Variants in ARHGAP28 observed in about 807,000 individuals in gnomAD.
ARHGAP28 encodes the protein rho GTPase-activating protein 28.
ARHGAP28 carries 56 observed loss-of-function variants against 90.7 expected under a neutral mutation model. That is an observed-to-expected ratio of 0.62 (90% CI 0.50 to 0.77). The LOEUF (loss-of-function observed/expected upper bound fraction) is 0.77. Ranked by LOEUF, ARHGAP28 falls within the 30% of genes least tolerant of loss-of-function variation. The pLI, the probability that ARHGAP28 is intolerant of heterozygous loss-of-function variation, is 0.00. For synonymous variants in ARHGAP28, 308 were observed against 323.3 expected, an observed-to-expected ratio of 0.95 and a Z score of 0.51; for missense variants, 869 against 900.9, an observed-to-expected ratio of 0.96 and a Z score of 0.45.
intron 6 of ARHGAP28, 72 bp downstream of exon 6, chr18:6,868,306 C>T: frequency 2.2e-6 from 3 of 1,354,328 alleles, no homozygotes; most frequent in East Asian, 4.6e-5. Context: ...ATACAGTTAG[C>T]AGTGAATTTC....
chr18:6,880,853 C>T (rs1256578582), intron 10 of ARHGAP28, among the ~76,000 whole-genome samples: 1 of 152,190 alleles, frequency 6.6e-6, no homozygotes, highest in Non-Finnish European at 1.5e-5. Context: ...CACTAGATTA[C>T]AGGACACCGA....
chr18:6,893,698 GGT>G (rs1030404906), intron 14 of ARHGAP28, among the ~76,000 whole-genome samples: 1 of 151,284 alleles, frequency 6.6e-6, no homozygotes, highest in East Asian at 1.9e-4. Context: ...ATGGACTCAC[GGT>G]GTGTGTGTGT....
intron 5 of ARHGAP28, among the ~76,000 whole-genome samples, chr18:6,862,148 T>C (rs2057003484): frequency 6.6e-6 from 1 of 152,102 alleles, no homozygotes; most frequent in Non-Finnish European, 1.5e-5. Flanking sequence ...TGATGCCAAG[T>C]TATTGCTTTG....
chr18:6,806,497 A>T, intron 1 of ARHGAP28, among the ~76,000 whole-genome samples: 1 of 152,094 alleles, frequency 6.6e-6, no homozygotes, highest in East Asian at 1.9e-4. Flanking sequence ...GAGAATAGTG[A>T]TATAGTCAAA....
intron 2 of ARHGAP28, among the ~76,000 whole-genome samples, chr18:6,828,251 CCAGGCAGGAGAAT>C (rs2056689360): frequency 6.6e-6 from 1 of 152,102 alleles, no homozygotes. Context: ...CTCGGCAGGC[CCAGGCAGGAGAAT>C]CAGGCAGGGA....
At position 6,729,798 on chromosome 18, in the gene ARHGAP28, G is replaced by A; in HGVS notation, c.-24G>A. ...GGTCCCGGTCTTTGTTCTGGGGCCG[G>A]CGCCGAGACATGCGCGGCTGACGAT... On this transcript the variant is annotated 5_prime_UTR_variant, in exon 1 of 18. Transcript: ENST00000383472. The A allele has an allele frequency of 7.2e-7, 1 of 1,388,922 alleles. No individual in the cohort carries two copies. The highest frequency in any genetic ancestry group is 9.3e-7 in the Non-Finnish European group (1 of 1,074,504). 86.0% of individuals were successfully genotyped at this position (1,388,922 alleles called of 1,614,324 possible). A position where few individuals can be genotyped will look rare whatever the true frequency, so the allele number is the denominator to read the frequency against.
intron 1 of ARHGAP28, among the ~76,000 whole-genome samples, chr18:6,809,151 G>A (rs2056539108): frequency 6.6e-6 from 1 of 152,092 alleles, no homozygotes; most frequent in African/African-American, 2.4e-5. Context: ...AATTTAATTT[G>A]TTTTCTTTCT....
At chr18:6,898,724 A>C in intron 16 of ARHGAP28, 1 of 1,340,088 alleles carries the variant, frequency 7.5e-7, no homozygotes, top group Non-Finnish European at 9.6e-7. Flanking sequence ...AGAACTAATG[A>C]CTGCAGAGAG....
intron 3 of ARHGAP28, among the ~76,000 whole-genome samples, chr18:6,837,878 A>G (rs1468244166): frequency 3.9e-5 from 6 of 152,220 alleles, no homozygotes; most frequent in Non-Finnish European, 8.8e-5. Flanking sequence ...GGAAGATACC[A>G]GCATTAATTA....
chr18:6,763,028 C>A (rs948367287), intron 1 of ARHGAP28, among the ~76,000 whole-genome samples: 5 of 152,118 alleles, frequency 3.3e-5, no homozygotes, highest in Admixed American at 3.3e-4. Flanking sequence ...TGACCATTCA[C>A]CAGGCCTTGT....
intron 1 of ARHGAP28, among the ~76,000 whole-genome samples, chr18:6,737,030 G>A (rs2055934995): frequency 6.6e-6 from 1 of 151,986 alleles, no homozygotes. Context: ...TGTTTCTGAG[G>A]TAATTGCCAT....
rs1484582631 is a variant in ARHGAP28 at position 6,914,882 on chromosome 18, A to ATGATGG, written c.*2732_*2733insGGTGAT. The stretch of plus-strand genomic sequence containing the variant: ...TTTGTTAAGCAGCTCACTTGGAAAT[A>ATGATGG]TGATTCTTGGAGTCAATGATCTCTA... On this transcript the variant is annotated 3_prime_UTR_variant, in exon 18 of 18. Transcript: ENST00000383472. The ATGATGG allele has an allele frequency of 1.3e-5, 2 of 152,606 alleles. No individual in the cohort carries two copies. The highest frequency in any genetic ancestry group is 4.8e-5 in the African/African-American group (2 of 41,454). 9.5% of individuals were successfully genotyped at this position (152,606 alleles called of 1,614,324 possible).
chr18:6,879,632 C>A (rs1369053225), intron 10 of ARHGAP28, among the ~76,000 whole-genome samples: 1 of 152,182 alleles, frequency 6.6e-6, no homozygotes, highest in Admixed American at 6.5e-5. Flanking sequence ...GACAGTATGA[C>A]GCGGTATTAT....
At chr18:6,752,897 T>C (rs1387268340) in intron 1 of ARHGAP28, among the ~76,000 whole-genome samples, 1 of 152,196 alleles carries the variant, frequency 6.6e-6, no homozygotes, top group Non-Finnish European at 1.5e-5. Context: ...TTTTGCTTTA[T>C]ATGTTCATAA....
intron 1 of ARHGAP28, among the ~76,000 whole-genome samples, chr18:6,810,361 G>A (rs1031719505): frequency 1.3e-5 from 2 of 152,122 alleles, no homozygotes; most frequent in African/African-American, 4.8e-5. Flanking sequence ...ATGAACAAAG[G>A]CACCCAGTCA....
chr18:6,787,961 C>T (rs1435441390), intron 1 of ARHGAP28, among the ~76,000 whole-genome samples: 1 of 152,222 alleles, frequency 6.6e-6, no homozygotes, highest in African/African-American at 2.4e-5. Context: ...TATTCTGGCT[C>T]ATTCTGCCTT....
At position 6,882,313 on chromosome 18, in the gene ARHGAP28, G is replaced by A. The variant is rs11874197; in HGVS notation, c.1453+14G>A. 3.3e-3 allele frequency: 5,350 copies of A among 1,605,350 alleles called. 118 individuals carry two copies. The African/African-American group carries it at 0.054, about 16-fold the overall frequency. ...GTCTAATGGAAAGTAGGTGGAAGAC[G>A]TTATATGTGAATACGCTAAGATATA... is the stretch of plus-strand genomic sequence containing the variant. On this transcript the variant is annotated intron_variant, in intron 11 of 17. Coordinates refer to ENST00000383472, the MANE Select transcript of ARHGAP28 (RefSeq NM_001366230.1).
At chr18:6,882,600 A>G (rs554647643) in intron 11 of ARHGAP28, among the ~76,000 whole-genome samples, 1 of 152,330 alleles carries the variant, frequency 6.6e-6, no homozygotes, top group African/African-American at 2.4e-5. Flanking sequence ...AGCCTCAGTT[A>G]CTACATCTGT....
At chr18:6,749,093 G>C (rs1600148925) in intron 1 of ARHGAP28, among the ~76,000 whole-genome samples, 1 of 152,290 alleles carries the variant, frequency 6.6e-6, no homozygotes, top group African/African-American at 2.4e-5. Context: ...AGACAAAAAT[G>C]TTTGAGCTAA....
Sources: gnomAD v4.1 joint callset for allele counts (sites outside exome capture counted in the v4.1 genomes callset) on GRCh38, gnomAD v4.1.1 for gene constraint, MANE v1.5 for transcripts, NCBI Gene and HGNC (gene_info 2026-07-23, HGNC 2026-07-21) for gene names.